IL1RL1: variants seen among roughly 807,000 people sequenced by gnomAD.
IL1RL1 encodes the protein interleukin 1 receptor like 1, also known as interleukin-1 receptor-like 1.
IL1RL1 carries 32 observed loss-of-function variants against 50.9 expected under a neutral mutation model. The ratio of observed to expected loss-of-function variants is 0.63; its 90% CI spans 0.47 to 0.84. IL1RL1 has a LOEUF of 0.84. Ranked by LOEUF, IL1RL1 falls within the 40% of genes least tolerant of loss-of-function variation. The probability of loss-of-function intolerance (pLI) is 0.00; values close to 1 mark genes in which losing one functional copy is unlikely to be tolerated. For synonymous variants in IL1RL1, 275 were observed against 236.0 expected (o/e 1.17, Z -1.51); for missense variants, 773 against 662.9 (o/e 1.17, Z -1.82).
At chr2:102,339,526 G>A (rs1381003217) in intron 3 of IL1RL1, 1 of 156,118 alleles carries the variant, frequency 6.4e-6, no homozygotes, top group Non-Finnish European at 1.4e-5. Context: ...TTTTGTGGCT[G>A]TATTTGGCAC....
At chr2:102,340,031 C>A in intron 3 of IL1RL1, 67 bp from the exon 4 acceptor site, 1 of 914,060 alleles carries the variant, frequency 1.1e-6, no homozygotes, top group Non-Finnish European at 1.5e-6. Context: ...TAAGTAAAGG[C>A]TGAATTTAGA....
intron 1 of IL1RL1, among the ~76,000 whole-genome samples, chr2:102,323,723 A>T (rs1676908752): frequency 6.6e-6 from 1 of 152,054 alleles, no homozygotes; most frequent in African/African-American, 2.4e-5. Context: ...CATGACCCAA[A>T]TGCTCCCCCT....
chr2:102,329,967 G>C (rs1559598982), intron 1 of IL1RL1, among the ~76,000 whole-genome samples: 1 of 152,166 alleles, frequency 6.6e-6, no homozygotes, highest in Non-Finnish European at 1.5e-5. Context: ...ATTACCATTT[G>C]ACTCAGCCAT....
At chr2:102,327,149 A>T (rs1418549282) in intron 1 of IL1RL1, among the ~76,000 whole-genome samples, 1 of 152,188 alleles carries the variant, frequency 6.6e-6, no homozygotes, top group Non-Finnish European at 1.5e-5. Flanking sequence ...ATTATAACAA[A>T]CTCTCTCTTA....
intron 8 of IL1RL1, chr2:102,344,496 T>G (rs1368342542): frequency 3.2e-6 from 1 of 311,578 alleles, no homozygotes; most frequent in Admixed American, 6.5e-5. Flanking sequence ...TGGCCCTCAG[T>G]TTGCAGTATA....
At chr2:102,320,977 C>G (rs113828341) in intron 1 of IL1RL1, among the ~76,000 whole-genome samples, 9 of 152,222 alleles carry the variant, frequency 5.9e-5, no homozygotes, top group Non-Finnish European at 2.9e-5. Flanking sequence ...GTGACTCACT[C>G]GCAATCTAGT....
At chr2:102,350,854 G>T (rs1677908141) in intron 10 of IL1RL1, among the ~76,000 whole-genome samples, 1 of 152,174 alleles carries the variant, frequency 6.6e-6, no homozygotes, top group South Asian at 2.1e-4. Context: ...GAATATCTTG[G>T]ATTGTTTTAT....
intron 1 of IL1RL1, among the ~76,000 whole-genome samples, chr2:102,321,672 C>A (rs900047120): frequency 3.3e-5 from 5 of 152,072 alleles, no homozygotes; most frequent in African/African-American, 1.2e-4. Context: ...GGTGGATGAC[C>A]CAATCTCTCT....
At chr2:102,328,487 T>C (rs1171982277) in intron 1 of IL1RL1, among the ~76,000 whole-genome samples, 3 of 152,176 alleles carry the variant, frequency 2.0e-5, no homozygotes, top group Non-Finnish European at 1.5e-5. Context: ...TTCAACATAC[T>C]GTTGGAAGTT....
At chr2:102,319,003 A>G (rs563047684) in intron 1 of IL1RL1, among the ~76,000 whole-genome samples, 1 of 152,348 alleles carries the variant, frequency 6.6e-6, no homozygotes, top group African/African-American at 2.4e-5. Context: ...AAACAAGGAA[A>G]ACAAAGAAAG....
chr2:102,333,212 GAA>G (rs1014286779), intron 1 of IL1RL1, among the ~76,000 whole-genome samples: 1 of 152,148 alleles, frequency 6.6e-6, no homozygotes, highest in African/African-American at 2.4e-5. Context: ...GGTACAAGTG[GAA>G]GCAGGGATAG....
At chr2:102,344,365 A>G in intron 8 of IL1RL1, 1 of 961,828 alleles carries the variant, frequency 1.0e-6, no homozygotes, top group South Asian at 4.8e-5. Context: ...TCATTGTTAA[A>G]CTTTGTAAAG....
At chr2:102,340,899 T>G (rs529962079) in intron 5 of IL1RL1, 71 bp downstream of exon 5, 2 of 1,270,624 alleles carry the variant, frequency 1.6e-6, no homozygotes, top group South Asian at 3.2e-5. Context: ...GGTGCCCTTC[T>G]GGTTGGGTTT....
chr2:102,342,925 C>A, intron 6 of IL1RL1, 111 bp from the exon 7 acceptor site: 1 of 987,278 alleles, frequency 1.0e-6, no homozygotes. Context: ...GAGGGAGGTC[C>A]TGGTGGGGTG....
At chr2:102,316,912 G>T (rs940396605) in intron 1 of IL1RL1, among the ~76,000 whole-genome samples, 1 of 152,162 alleles carries the variant, frequency 6.6e-6, no homozygotes, top group African/African-American at 2.4e-5. Context: ...TTAGAAATTT[G>T]ATAGATTCAA....
chr2:102,311,846 A>ATATATAATATATTATATAATATATAT (rs1559591816), intron 1 of IL1RL1, among the ~76,000 whole-genome samples: 2 of 78,108 alleles, frequency 2.6e-5, no homozygotes, highest in South Asian at 5.8e-4. Context: ...TATAATTGTA[A>ATATATAATATATTATATAATATATAT]TATATAATAT....
chr2:102,333,943 G>A (rs796897961), intron 1 of IL1RL1, among the ~76,000 whole-genome samples: 17 of 152,236 alleles, frequency 1.1e-4, no homozygotes, highest in African/African-American at 3.6e-4. Flanking sequence ...ATAGTAATCC[G>A]TGGTGCATAG....
intron 9 of IL1RL1, 88 bp from the exon 10 acceptor site, chr2:102,348,991 A>G (rs757197486): frequency 2.0e-6 from 2 of 1,009,312 alleles, no homozygotes; most frequent in African/African-American, 3.2e-5. Context: ...ACCAACAGCC[A>G]TAAAACTTGG....
At chr2:102,339,786 A>G (rs1418242034) in intron 3 of IL1RL1, among the ~76,000 whole-genome samples, 1 of 152,238 alleles carries the variant, frequency 6.6e-6, no homozygotes, top group Non-Finnish European at 1.5e-5. Flanking sequence ...CATCACTGGT[A>G]CAGAGTAAAC....
Sources: allele counts gnomAD v4.1 joint callset (sites outside exome capture counted in the v4.1 genomes callset), GRCh38; gene constraint gnomAD v4.1.1; transcripts MANE v1.5; gene names NCBI Gene and HGNC (gene_info 2026-07-23, HGNC 2026-07-21).